The following TLN2 variants were observed in gnomAD, a reference collection of about 807,000 sequenced individuals.
The protein encoded by TLN2 is talin-2.
Under a neutral mutation model 294.7 loss-of-function variants are expected in TLN2, and 118 were observed. The observed-to-expected ratio is 0.40, with a 90% CI of 0.34 to 0.47. The LOEUF is 0.47. Among genes scored for constraint, TLN2 ranks in the 20% least tolerant of loss-of-function variants. The probability of loss-of-function intolerance (pLI) is 0.84; values close to 1 mark genes in which losing one functional copy is unlikely to be tolerated. For missense variants in TLN2, 3,083 were observed against 3,282.2 expected, an observed-to-expected ratio of 0.94 and a Z score of 1.48; for synonymous variants, 1,431 against 1,304.5, an observed-to-expected ratio of 1.10 and a Z score of -2.09.
chr15:62,446,289 G>A (rs889328014), intron 1 of TLN2, among the ~76,000 whole-genome samples: 6 of 152,156 alleles, frequency 3.9e-5, no homozygotes, highest in African/African-American at 1.2e-4. Flanking sequence ...CACCGCGCCC[G>A]GCTTAAGCTC....
chr15:62,687,080 CA>C (rs1294983685), intron 12 of TLN2, among the ~76,000 whole-genome samples: 1 of 152,190 alleles, frequency 6.6e-6, no homozygotes, highest in East Asian at 1.9e-4. Context: ...AGATGATTCT[CA>C]GTTCTGTGTT....
intron 1 of TLN2, among the ~76,000 whole-genome samples, chr15:62,573,516 C>T (rs567207461): frequency 2.6e-5 from 4 of 152,188 alleles, no homozygotes; most frequent in Non-Finnish European, 5.9e-5. Flanking sequence ...TCTTCAGCAC[C>T]TGCTTTTCAT....
rs190307465 is a variant in TLN2, at chr15:62,706,574, A to T, written c.2005-512A>T. On this transcript the variant is annotated intron_variant, in intron 19 of 58. Transcript: ENST00000636159. ...GTGCACATCAAATGTTGCCCTCTGG[A>T]GGTAGAGATATGGCTAAATTTCTGA... is the stretch of plus-strand genomic sequence containing the variant. Among the ~76,000 whole-genome samples, 799 of 152,322 alleles carry T rather than the reference A, an allele frequency of 5.2e-3. 4 individuals are homozygous for T. The highest frequency in any genetic ancestry group is 0.037 in the Middle Eastern group (11 of 294).
intron 58 of TLN2, 50 bp from the exon 59 acceptor site, chr15:62,840,432 G>A (rs767642686): frequency 6.2e-7 from 1 of 1,606,702 alleles, no homozygotes; most frequent in Admixed American, 1.7e-5. Context: ...GTGGGTCGGA[G>A]GGTTTTCTAC....
At chr15:62,458,604 G>GAA (rs55990249) in intron 1 of TLN2, among the ~76,000 whole-genome samples, 1 of 130,124 alleles carries the variant, frequency 7.7e-6, no homozygotes, top group Admixed American at 7.8e-5. Flanking sequence ...CGTCTCTACA[G>GAA]AAAAAAAAAA....
Position 62,673,310 on chromosome 15 carries a change from C to CTTT in TLN2, c.789-501_789-499dup, listed in dbSNP as rs56258541. ...GTTTGCTTTAGATTTTTAGATGTTG[C>CTTT]TTTTTTTTTTTTTTTTTTGCAATTT... On this transcript the variant is annotated intron_variant, in intron 9 of 58. Transcript: ENST00000636159. 2.9e-3 allele frequency among the ~76,000 whole-genome samples: 126 copies of CTTT among 42,888 alleles called. 12 individuals carry two copies. The highest frequency in any genetic ancestry group is 4.0e-3 in the Non-Finnish European group (93 of 23,316). 28.1% of individuals were successfully genotyped at this position (42,888 alleles called of 152,430 possible).
chr15:62,565,106 ATAAGTGT>A (rs1203014388), intron 1 of TLN2, among the ~76,000 whole-genome samples: 1 of 152,000 alleles, frequency 6.6e-6, no homozygotes, highest in African/African-American at 2.4e-5. Flanking sequence ...CAAGCTGTTA[ATAAGTGT>A]TAAACACCCC....
Position 62,686,670 on chromosome 15 carries a change from GC to G in TLN2, c.989del (p.Pro330LeufsTer11). The G allele has an allele frequency of 6.2e-7, 1 of 1,613,886 alleles. No individual in the cohort carries two copies. The highest frequency in any genetic ancestry group is 8.5e-7 in the Non-Finnish European group (1 of 1,179,882). ...EKMKGKNKLVPRLLGITKDSV... is the reference protein window; with the variant it reads ...EKMKGKNKLVXRLLGITKDSV... ...AGATGAAAGGCAAGAACAAGCTGGT[GC>G]CTCGCCTGCTGGGGATCACCAAAGA... On this transcript the variant is annotated frameshift_variant, in exon 12 of 59. Transcript: ENST00000636159. LOFTEE classifies it high-confidence loss of function.
chr15:62,470,970 A>G (rs1044855356), intron 1 of TLN2, among the ~76,000 whole-genome samples: 1 of 152,238 alleles, frequency 6.6e-6, no homozygotes, highest in Non-Finnish European at 1.5e-5. Context: ...TGACATATAT[A>G]TGAAGAAGCT....
intron 1 of TLN2, among the ~76,000 whole-genome samples, chr15:62,468,859 A>G (rs1034906322): frequency 2.0e-5 from 3 of 152,202 alleles, no homozygotes; most frequent in African/African-American, 7.2e-5. Context: ...AAGGCTTCAG[A>G]CAGGGATGCT....
chr15:62,402,855 T>C (rs565618573), intron 1 of TLN2, among the ~76,000 whole-genome samples: 1 of 152,348 alleles, frequency 6.6e-6, no homozygotes, highest in African/African-American at 2.4e-5. Context: ...CTTTCATACA[T>C]GCAGCTATCT....
chr15:62,571,573 C>T (rs533853507), intron 1 of TLN2, among the ~76,000 whole-genome samples: 6 of 152,102 alleles, frequency 3.9e-5, no homozygotes, highest in Non-Finnish European at 7.4e-5. Context: ...AGGTACTTTA[C>T]CTTCATGTGT....
intron 43 of TLN2, among the ~76,000 whole-genome samples, chr15:62,777,620 C>T (rs1466758876): frequency 4.6e-5 from 7 of 151,860 alleles, no homozygotes; most frequent in Non-Finnish European, 1.0e-4. Context: ...GATTCCAAGG[C>T]TCCACCCCCA....
chr15:62,818,836 T>C (rs975070711), intron 52 of TLN2, among the ~76,000 whole-genome samples: 2 of 90,320 alleles, frequency 2.2e-5, no homozygotes, highest in African/African-American at 8.7e-5. Flanking sequence ...TGTTCTTTTT[T>C]TTTTTATTTT....
intron 21 of TLN2, among the ~76,000 whole-genome samples, chr15:62,709,000 G>A (rs1341041293): frequency 6.6e-6 from 1 of 152,224 alleles, no homozygotes; most frequent in Non-Finnish European, 1.5e-5. Flanking sequence ...AGTTCACTGG[G>A]TTTTTGTTAT....
intron 7 of TLN2, among the ~76,000 whole-genome samples, chr15:62,654,058 T>C (rs74560019): frequency 0.019 from 2,910 of 152,334 alleles, 53 homozygotes; most frequent in East Asian, 0.097. Flanking sequence ...AATGTATCTT[T>C]TTTTCTGGTA....
intron 50 of TLN2, among the ~76,000 whole-genome samples, chr15:62,803,783 A>C (rs1432549272): frequency 6.6e-6 from 1 of 152,194 alleles, no homozygotes; most frequent in African/African-American, 2.4e-5. Context: ...ACATATCCCC[A>C]GGATTAGTCC....
intron 1 of TLN2, among the ~76,000 whole-genome samples, chr15:62,459,713 T>C (rs138517145): frequency 6.6e-6 from 1 of 152,314 alleles, no homozygotes; most frequent in East Asian, 1.9e-4. Flanking sequence ...GTAGGTGTCC[T>C]GGGGCAGGCT....
intron 42 of TLN2, among the ~76,000 whole-genome samples, chr15:62,775,243 T>C (rs1362310487): frequency 6.6e-6 from 1 of 152,110 alleles, no homozygotes; most frequent in African/African-American, 2.4e-5. Flanking sequence ...TCTGTAACAG[T>C]CATCTCATTC....
Sources: gnomAD v4.1 joint callset for allele counts (sites outside exome capture counted in the v4.1 genomes callset) on GRCh38, gnomAD v4.1.1 for gene constraint, MANE v1.5 for transcripts, NCBI Gene and HGNC (gene_info 2026-07-23, HGNC 2026-07-21) for gene names.